KANSL1: variants seen among roughly 807,000 people sequenced by gnomAD.
The protein encoded by KANSL1 is MLL1/MLL complex subunit KANSL1.
KANSL1 carries 22 observed loss-of-function variants against 103.6 expected under a neutral mutation model. The observed-to-expected ratio is 0.21, with a 90% CI of 0.15 to 0.30. The LOEUF (loss-of-function observed/expected upper bound fraction) is 0.30, where lower values mean the gene tolerates loss of function less well. Among genes scored for constraint, KANSL1 ranks in the 10% least tolerant of loss-of-function variants. KANSL1 has a pLI of 1.00. For missense variants in KANSL1, 1,337 were observed against 1,399.8 expected, an observed-to-expected ratio of 0.96 and a Z score of 0.72; for synonymous variants, 600 against 527.6, an observed-to-expected ratio of 1.14 and a Z score of -1.88.
Position 46,032,110 on chromosome 17 carries a change from A to C in KANSL1, c.3027T>G (p.Thr1009=), listed in dbSNP as rs747564871. ...SAPLTPVARD[T]PRHLASEDTR... is the part of the protein sequence containing the mutation. ...TATCCTCACTGGCTAAGTGTCGCGG[A>C]GTGTCCCGAGCCACAGGGGTGAGGG... Residue 1009 remains threonine (T), a synonymous_variant, in exon 14 of 15, where the codon ACT becomes ACG. Transcript: ENST00000432791. 6.2e-7 allele frequency: 1 copy of C among 1,614,012 alleles called. No individual in the cohort carries two copies. Among genetic ancestry groups the C allele is most frequent in the African/African-American group, 1.3e-5 (1 of 74,998 alleles).
At chr17:46,092,529 TA>T (rs1259320832) in intron 3 of KANSL1, among the ~76,000 whole-genome samples, 1 of 152,162 alleles carries the variant, frequency 6.6e-6, no homozygotes, top group Non-Finnish European at 1.5e-5. Context: ...AAATGTAACT[TA>T]AATAGTCAAC....
chr17:46,134,536 A>G (rs62063207), intron 2 of KANSL1, among the ~76,000 whole-genome samples: 21,658 of 151,686 alleles, frequency 0.14, 2,125 homozygotes, highest in Non-Finnish European at 0.22. Flanking sequence ...TTGTTATATG[A>G]ATGTTACTTA....
chr17:46,216,390 A>G (rs1487962329), intron 1 of KANSL1, among the ~76,000 whole-genome samples: 1 of 152,126 alleles, frequency 6.6e-6, no homozygotes, highest in Non-Finnish European at 1.5e-5. Flanking sequence ...ACCTGAGATC[A>G]GGAGTTCGAG....
chr17:46,032,682 G>A (rs967434962), intron 13 of KANSL1: 5 of 330,834 alleles, frequency 1.5e-5, no homozygotes, highest in South Asian at 2.0e-4. Flanking sequence ...TGGAGACAGG[G>A]TAGTGATGGA....
chr17:46,182,428 AC>A (rs1309705569), intron 1 of KANSL1, among the ~76,000 whole-genome samples: 3 of 152,254 alleles, frequency 2.0e-5, no homozygotes, highest in African/African-American at 7.2e-5. Context: ...TTACATATGA[AC>A]AAAAGTAGAT....
chr17:46,111,563 T>C (rs1298496356), intron 2 of KANSL1, among the ~76,000 whole-genome samples: 1 of 152,206 alleles, frequency 6.6e-6, no homozygotes, highest in African/African-American at 2.4e-5. Flanking sequence ...ATTGCCATTA[T>C]ACAACAAGTA....
chr17:46,113,505 G>A (rs2042911669), intron 2 of KANSL1, among the ~76,000 whole-genome samples: 2 of 152,196 alleles, frequency 1.3e-5, no homozygotes, highest in Admixed American at 1.3e-4. Context: ...GCATATGCAA[G>A]CCTTTGTGTC....
intron 2 of KANSL1, among the ~76,000 whole-genome samples, chr17:46,156,584 T>G (rs1298924642): frequency 6.6e-6 from 1 of 152,246 alleles, no homozygotes; most frequent in African/African-American, 2.4e-5. Context: ...CAATGCCTAA[T>G]TCTTGTTTTT....
At chr17:46,054,519 G>A (rs1478294851) in intron 6 of KANSL1, among the ~76,000 whole-genome samples, 1 of 152,200 alleles carries the variant, frequency 6.6e-6, no homozygotes, top group African/African-American at 2.4e-5. Context: ...AGTAATCAGT[G>A]TAAATCTTGT....
At chr17:46,045,664 T>C (rs2077480820) in intron 7 of KANSL1, 1 of 152,170 alleles carries the variant, frequency 6.6e-6, no homozygotes, top group Non-Finnish European at 1.5e-5. Flanking sequence ...TTGCTCTGAA[T>C]GATGGTGTGG....
chr17:46,069,243 G>T (rs998685799), intron 4 of KANSL1, among the ~76,000 whole-genome samples: 24 of 152,042 alleles, frequency 1.6e-4, no homozygotes, highest in African/African-American at 5.6e-4. Context: ...CCTTACACTT[G>T]AACTGACTCT....
At chr17:46,147,804 G>A (rs150165625) in intron 2 of KANSL1, among the ~76,000 whole-genome samples, 16 of 152,278 alleles carry the variant, frequency 1.1e-4, no homozygotes, top group Middle Eastern at 3.4e-3. Context: ...ACTATATGAC[G>A]GTATTTTCTC....
intron 2 of KANSL1, among the ~76,000 whole-genome samples, chr17:46,168,710 A>G (rs1459926755): frequency 6.6e-6 from 1 of 152,262 alleles, no homozygotes; most frequent in East Asian, 1.9e-4. Flanking sequence ...CAGTACCCAA[A>G]TATGATCTAA....
chr17:46,187,799 G>T (rs1374344914), intron 1 of KANSL1, among the ~76,000 whole-genome samples: 1 of 152,178 alleles, frequency 6.6e-6, no homozygotes, highest in Non-Finnish European at 1.5e-5. Context: ...TTGCATAAAG[G>T]TTTAAAATCT....
chr17:46,034,721 A>T (rs987387655), intron 10 of KANSL1: 1 of 189,638 alleles, frequency 5.3e-6, no homozygotes, highest in Admixed American at 5.8e-5. Flanking sequence ...GCTTATGCTG[A>T]AAGAGGCCCA....
At chr17:46,103,648 C>T (rs1178954227) in intron 2 of KANSL1, among the ~76,000 whole-genome samples, 1 of 152,212 alleles carries the variant, frequency 6.6e-6, no homozygotes, top group African/African-American at 2.4e-5. Flanking sequence ...AGAGACAGCA[C>T]TATCTGTCCT....
chr17:46,059,649 G>A (rs1312292483), intron 6 of KANSL1, among the ~76,000 whole-genome samples: 1 of 76,292 alleles, frequency 1.3e-5, no homozygotes. Flanking sequence ...AAAAAAAAAA[G>A]AGAGAGAGAG....
rs548230485 is a variant in KANSL1 at position 46,201,832 on chromosome 17, C to G, written c.-90+21839G>C. 2.6e-5 allele frequency among the ~76,000 whole-genome samples: 4 copies of G among 152,244 alleles called. No individual in the cohort carries two copies. In the South Asian group the frequency reaches 8.3e-4, roughly 32 times the overall value. On this transcript the variant is annotated intron_variant, in intron 1 of 14. Transcript: ENST00000572904. The stretch of plus-strand genomic sequence containing the variant: ...GACCGGCCTGGGCAATGTAGCAAAA[C>G]CTATCTCTACCAAAAACACAAAAAA...
upstream of KANSL1, chr17:46,193,719 C>T (rs2047491124): frequency 3.9e-6 from 1 of 254,460 alleles, no homozygotes; most frequent in Non-Finnish European, 8.3e-6. Flanking sequence ...AGGGGGAAGC[C>T]AGCCCTCGCT....
Sources: allele counts gnomAD v4.1 joint callset (sites outside exome capture counted in the v4.1 genomes callset), GRCh38; gene constraint gnomAD v4.1.1; transcripts MANE v1.5; gene names NCBI Gene and HGNC (gene_info 2026-07-23, HGNC 2026-07-21).